Variants in DENND1B observed in about 807,000 individuals in gnomAD.
DENND1B encodes DENN domain-containing protein 1B.
Under a neutral mutation model 90.1 loss-of-function variants are expected in DENND1B, and 59 were observed. That is an observed-to-expected ratio of 0.65 (90% CI 0.53 to 0.81). The LOEUF (loss-of-function observed/expected upper bound fraction) is 0.81, where lower values mean the gene tolerates loss of function less well. Ranked by LOEUF, DENND1B falls within the 40% of genes least tolerant of loss-of-function variation. The pLI is 0.00. For missense variants in DENND1B, 862 were observed against 912.6 expected, an observed-to-expected ratio of 0.94 and a Z score of 0.71; for synonymous variants, 337 against 324.6, an observed-to-expected ratio of 1.04 and a Z score of -0.41.
chr1:197,602,043 A>C (rs78309276), intron 13 of DENND1B, among the ~76,000 whole-genome samples: 5,604 of 151,732 alleles, frequency 0.037, 156 homozygotes, highest in Non-Finnish European at 0.057. Flanking sequence ...AATGATTGCC[A>C]TCACAACATG....
At position 197,578,908 on chromosome 1, in the gene DENND1B, G is replaced by A. The variant is rs75571907; in HGVS notation, c.1149+4244C>T. ...CCTCACATAGTAGCTAGAACTACAG[G>A]TGTGCACCACACATCCAGCTAATTT... On this transcript the variant is annotated intron_variant, in intron 15 of 22. Coordinates refer to ENST00000620048, the MANE Select transcript of DENND1B (RefSeq NM_001195215.2). 5.9e-3 allele frequency among the ~76,000 whole-genome samples: 895 copies of A among 152,020 alleles called. 12 individuals are homozygous for A. The highest frequency in any genetic ancestry group is 0.02 in the African/African-American group (838 of 41,466).
At position 197,583,203 on chromosome 1, in the gene DENND1B, G is replaced by C. The variant is rs371012442; in HGVS notation, c.1098C>G (p.Ser366Arg). Residue 366 changes from serine (S) to arginine (R), a missense_variant, in exon 15 of 23, where the codon AGC becomes AGG. Transcript: ENST00000620048. The part of the protein sequence containing the change: ...CEESFVKHRS[S>R]VMKQFLETAI... ...CAGTTTCCAGGAACTGTTTCATCAC[G>C]CTTGAGCGGTGCTTTACAAAACTCT... 6.2e-7 allele frequency: 1 copy of C among 1,613,862 alleles called. No homozygotes were observed. Among genetic ancestry groups the C allele is most frequent in the Non-Finnish European group, 8.5e-7 (1 of 1,179,816 alleles).
intron 5 of DENND1B, among the ~76,000 whole-genome samples, chr1:197,663,687 C>T (rs568235368): frequency 3.3e-5 from 5 of 152,062 alleles, no homozygotes; most frequent in Non-Finnish European, 7.4e-5. Flanking sequence ...TGAGTTGTGG[C>T]TTCTGTCTTT....
At chr1:197,580,708 G>A (rs1220145492) in intron 15 of DENND1B, among the ~76,000 whole-genome samples, 1 of 152,102 alleles carries the variant, frequency 6.6e-6, no homozygotes, top group Non-Finnish European at 1.5e-5. Flanking sequence ...TGCTTTGGAT[G>A]TATGAGTTTC....
intron 6 of DENND1B, 104 bp downstream of exon 6, chr1:197,658,196 T>A: frequency 1.1e-6 from 1 of 880,444 alleles, no homozygotes; most frequent in Non-Finnish European, 1.9e-6. Context: ...TCAACATTAA[T>A]GTACTTAATG....
chr1:197,545,276 G>C (rs1411665802), intron 18 of DENND1B, among the ~76,000 whole-genome samples: 1 of 151,984 alleles, frequency 6.6e-6, no homozygotes, highest in African/African-American at 2.4e-5. Flanking sequence ...ATGGTGGTGG[G>C]TGCCTGTAAT....
At chr1:197,760,978 C>T (rs151281993) in intron 2 of DENND1B, among the ~76,000 whole-genome samples, 35 of 152,200 alleles carry the variant, frequency 2.3e-4, no homozygotes, top group African/African-American at 7.2e-4. Flanking sequence ...TATTTTTGTA[C>T]GTAACAGTTC....
chr1:197,657,048 G>C (rs1028288609), intron 6 of DENND1B, among the ~76,000 whole-genome samples: 2 of 151,856 alleles, frequency 1.3e-5, no homozygotes, highest in African/African-American at 2.4e-5. Flanking sequence ...GGCAACAAAA[G>C]ACAAAAACTA....
intron 16 of DENND1B, among the ~76,000 whole-genome samples, chr1:197,548,323 A>G (rs148401958): frequency 7.9e-5 from 12 of 152,298 alleles, no homozygotes; most frequent in African/African-American, 2.4e-4. Context: ...TTGGAGTCCA[A>G]TGGACCTTTA....
chr1:197,581,161 T>C (rs913024655), intron 15 of DENND1B, among the ~76,000 whole-genome samples: 3 of 152,216 alleles, frequency 2.0e-5, no homozygotes, highest in African/African-American at 7.2e-5. Context: ...TCTTTGAGGA[T>C]TCATCTGTGT....
At chr1:197,643,975 CA>C (rs1336434914) in intron 9 of DENND1B, among the ~76,000 whole-genome samples, 2 of 152,100 alleles carry the variant, frequency 1.3e-5, no homozygotes, top group African/African-American at 4.8e-5. Flanking sequence ...TCTAGTCAGG[CA>C]AGAATGTAAG....
intron 2 of DENND1B, among the ~76,000 whole-genome samples, chr1:197,749,345 C>T (rs1355433313): frequency 6.6e-6 from 1 of 151,682 alleles, no homozygotes; most frequent in Admixed American, 6.6e-5. Flanking sequence ...CTAAACCTAG[C>T]ACATAACAAC....
intron 2 of DENND1B, among the ~76,000 whole-genome samples, chr1:197,757,726 A>G (rs1418268011): frequency 6.6e-6 from 1 of 152,204 alleles, no homozygotes; most frequent in African/African-American, 2.4e-5. Flanking sequence ...CAAGAAAGTT[A>G]TACAGGAATT....
chr1:197,541,925 A>G (rs1365081718), intron 18 of DENND1B, among the ~76,000 whole-genome samples: 1 of 152,208 alleles, frequency 6.6e-6, no homozygotes, highest in Non-Finnish European at 1.5e-5. Flanking sequence ...TCTTTAGTAT[A>G]CAGAGTTGAA....
At chr1:197,715,605 T>C (rs1660567167) in intron 2 of DENND1B, among the ~76,000 whole-genome samples, 1 of 151,858 alleles carries the variant, frequency 6.6e-6, no homozygotes, top group Non-Finnish European at 1.5e-5. Context: ...TTTGCAGTAA[T>C]AGATAAGTTG....
chr1:197,679,286 A>T (rs1656409367), intron 3 of DENND1B, among the ~76,000 whole-genome samples: 1 of 151,420 alleles, frequency 6.6e-6, no homozygotes, highest in African/African-American at 2.4e-5. Context: ...GCAGAGTGAC[A>T]TTACCAAAAA....
intron 10 of DENND1B, among the ~76,000 whole-genome samples, chr1:197,638,079 T>C (rs1466460817): frequency 3.9e-5 from 6 of 152,220 alleles, no homozygotes; most frequent in Non-Finnish European, 1.5e-5. Context: ...CTATATTTAA[T>C]AGCTGATTTT....
At chr1:197,513,043 A>G (rs1668143192) in intron 20 of DENND1B, 90 bp from the exon 21 acceptor site, 2 of 1,045,812 alleles carry the variant, frequency 1.9e-6, no homozygotes, top group African/African-American at 1.6e-5. Flanking sequence ...ATTTCATAAG[A>G]AACACTTTTG....
intron 2 of DENND1B, among the ~76,000 whole-genome samples, chr1:197,718,028 C>T (rs1011982790): frequency 6.6e-6 from 1 of 151,922 alleles, no homozygotes; most frequent in Non-Finnish European, 1.5e-5. Flanking sequence ...AATATACCCA[C>T]ACTGTAGAAG....
Sources: gnomAD v4.1 joint callset for allele counts (sites outside exome capture counted in the v4.1 genomes callset) on GRCh38, gnomAD v4.1.1 for gene constraint, MANE v1.5 for transcripts, NCBI Gene and HGNC (gene_info 2026-07-23, HGNC 2026-07-21) for gene names.